Variants in AKNA observed in about 807,000 individuals in gnomAD.
AKNA encodes microtubule organization protein AKNA.
AKNA carries 67 observed loss-of-function variants against 138.8 expected under a neutral mutation model. The observed-to-expected ratio is 0.48, with a 90% CI of 0.40 to 0.59. The LOEUF (loss-of-function observed/expected upper bound fraction) is 0.59. Ranked by LOEUF, AKNA falls within the 20% of genes least tolerant of loss-of-function variation. The probability of loss-of-function intolerance (pLI) is 0.00; values close to 1 mark genes in which losing one functional copy is unlikely to be tolerated. For missense variants in AKNA, 1,813 were observed against 1,880.4 expected, an observed-to-expected ratio of 0.96 and a Z score of 0.66; for synonymous variants, 737 against 754.4, an observed-to-expected ratio of 0.98 and a Z score of 0.38.
In AKNA at chr9:114,376,859, G is replaced by A. The variant is rs939005317; in HGVS notation, c.948C>T (p.Ser316=). The change falls in exon 3 of 22, where the codon AGC becomes AGT. Residue 316 remains serine (S), a synonymous_variant. Transcript: ENST00000374088. ...PLPSRFIGSI[S]PLNPQPRPTR... The stretch of plus-strand genomic sequence containing the variant: ...TTGGCCTGGGCTGGGGATTCAGGGG[G>A]CTGATGGAGCCAATGAATCGGGAAG... 3 of 1,614,134 alleles carry A rather than the reference G, an allele frequency of 1.9e-6. No homozygotes were observed. Among genetic ancestry groups the A allele is most frequent in the Non-Finnish European group, 2.5e-6 (3 of 1,179,974 alleles).
chr9:114,337,222 G>C lies in AKNA; in HGVS notation c.4152C>G (p.His1384Gln). The change falls in exon 22 of 22, where the codon CAC becomes CAG. Residue 1384 changes from histidine to glutamine, a missense_variant. Coordinates refer to ENST00000374088, the MANE Select transcript of AKNA (RefSeq NM_001317950.2). The part of the protein sequence containing the change: ...PTASPPPARR[H>Q]RHSIQLDLGD... The stretch of plus-strand genomic sequence containing the variant: ...CCAGGTCGAGCTGGATGGAGTGCCG[G>C]TGTCTCCGGGCTGGTGGGGGAGAGG... The C allele has an allele frequency of 6.3e-7, 1 of 1,587,642 alleles. No homozygotes were observed.
In AKNA at chr9:114,381,117, G is replaced by C. The variant is rs778528703; in HGVS notation, c.217C>G (p.Pro73Ala). 2 of 1,611,212 alleles carry C rather than the reference G, an allele frequency of 1.2e-6. No individual in the cohort carries two copies. The highest frequency in any genetic ancestry group is 1.1e-5 in the South Asian group (1 of 90,758). Residue 73 changes from proline (P) to alanine (A), a missense_variant, in exon 2 of 22, where the codon CCA becomes GCA. By Grantham distance (27) the Pro-to-Ala change is conservative (BLOSUM62 -1). Transcript: ENST00000374088. ...TGATGCCCATCGGGCTGCGGGTGTG[G>C]GTCCCACTCCAGGGGCGGCAGGTGC... Reference protein sequence around the residue: ...QQHLPPLEWDPHPQPDGHQDS... With the variant: ...QQHLPPLEWDAHPQPDGHQDS...
rs147420813 is a variant in AKNA, at chr9:114,364,872, C to G, written c.1729-253G>C. 2.6e-3 allele frequency among the ~76,000 whole-genome samples: 402 copies of G among 152,166 alleles called. 3 individuals carry two copies. The highest frequency in any genetic ancestry group is 9.3e-3 in the African/African-American group (388 of 41,502). On this transcript the variant is annotated intron_variant, in intron 6 of 21. Coordinates refer to ENST00000374088, the MANE Select transcript of AKNA (RefSeq NM_001317950.2). ...AGCAAGTCACTCATGTGCATCAAGACTAATGAGTCAGGATATTTACTGCAG... is the reference window on the plus strand; with the variant it reads ...AGCAAGTCACTCATGTGCATCAAGAGTAATGAGTCAGGATATTTACTGCAG...
chr9:114,389,938 C>T (rs1464440517), upstream of AKNA, among the ~76,000 whole-genome samples: 1 of 152,122 alleles, frequency 6.6e-6, no homozygotes. Context: ...CTCCCTGTAG[C>T]CCCCAGCCCC....
At chr9:114,370,461 G>A (rs1045357974) in intron 4 of AKNA, among the ~76,000 whole-genome samples, 1 of 152,212 alleles carries the variant, frequency 6.6e-6, no homozygotes, top group African/African-American at 2.4e-5. Flanking sequence ...TTCAGGGACC[G>A]ATAAGGAGTT....
chr9:114,339,819 G>A (rs943945056), intron 21 of AKNA, among the ~76,000 whole-genome samples: 4 of 152,174 alleles, frequency 2.6e-5, no homozygotes, highest in South Asian at 2.1e-4. Flanking sequence ...TTTACATACC[G>A]GGCGCGGTGG....
At chr9:114,340,537 CT>C (rs1830273478) in intron 21 of AKNA, among the ~76,000 whole-genome samples, 1 of 152,254 alleles carries the variant, frequency 6.6e-6, no homozygotes, top group African/African-American at 2.4e-5. Flanking sequence ...ACTCCACACA[CT>C]TCTCATTTGG....
At chr9:114,358,400 C>T (rs7866925) in intron 11 of AKNA, 113,218 of 530,064 alleles carry the variant, frequency 0.21, 13,450 homozygotes, top group Middle Eastern at 0.33. Context: ...ACCCACCCAA[C>T]ACCAAAGAGG....
intron 21 of AKNA, among the ~76,000 whole-genome samples, chr9:114,338,130 G>A (rs773798549): frequency 2.0e-5 from 3 of 152,192 alleles, no homozygotes; most frequent in Non-Finnish European, 4.4e-5. Flanking sequence ...TTAGGAGGAC[G>A]CAGCAGAGTC....
intron 21 of AKNA, among the ~76,000 whole-genome samples, chr9:114,339,312 A>G (rs1379417151): frequency 1.3e-5 from 2 of 152,180 alleles, no homozygotes; most frequent in Non-Finnish European, 2.9e-5. Flanking sequence ...CCGCTTTCCA[A>G]ACTACACTGG....
chr9:114,342,186 C>T (rs968697218), intron 19 of AKNA, 61 bp from the exon 20 acceptor site: 2 of 1,245,500 alleles, frequency 1.6e-6, no homozygotes, highest in African/African-American at 3.1e-5. Flanking sequence ...ATCAGGAGCC[C>T]CCATGCAGGC....
rs977312397 is a variant in AKNA, at chr9:114,335,778, A to C, written c.*1276T>G. 2.7e-5 allele frequency: 4 copies of C among 150,156 alleles called. No homozygotes were observed. Among genetic ancestry groups the C allele is most frequent in the African/African-American group, 9.7e-5 (4 of 41,400 alleles). The allele number at this position is 150,156 out of a possible 1,614,324, so 9.3% of individuals were successfully genotyped here. On this transcript the variant is annotated 3_prime_UTR_variant, in exon 22 of 22. Transcript: ENST00000374088. ...CAGAGCAAAACTCAGTCTCAAAAAA[A>C]AAAAAAAAAAGAAAAAGAAAAAAGA... is the stretch of plus-strand genomic sequence containing the variant.
Position 114,360,041 on chromosome 9 carries a change from C to T in AKNA, c.2146G>A (p.Ala716Thr), listed in dbSNP as rs202137574. Residue 716 changes from alanine (A) to threonine (T), a missense_variant, in exon 10 of 22, where the codon GCC (alanine) becomes ACC (threonine). Transcript: ENST00000374088. Reference sequence around the variant, plus strand: ...TGCAATGGGCAGGGGCCAGTGCTGGCGGCGGCAGTGGTGGTAGCAGGCTGG... The same window carrying T: ...TGCAATGGGCAGGGGCCAGTGCTGGTGGCGGCAGTGGTGGTAGCAGGCTGG... ...CPEPATTTAA[A>T]STGPCPLHVN... 36 of 1,614,156 alleles carry T rather than the reference C, an allele frequency of 2.2e-5. No homozygotes were observed. Among genetic ancestry groups the T allele is most frequent in the South Asian group, 2.2e-4 (20 of 91,084 alleles).
chr9:114,337,272 G>C lies in AKNA; in HGVS notation c.4102C>G (p.Pro1368Ala). 6.5e-7 allele frequency: 1 copy of C among 1,542,616 alleles called. No individual in the cohort carries two copies. The highest frequency in any genetic ancestry group is 8.8e-7 in the Non-Finnish European group (1 of 1,135,726). Reference protein sequence around the residue: ...YAPAGPTSAQPAAKWPPTASP... With the variant: ...YAPAGPTSAQAAAKWPPTASP... Reference sequence around the variant, plus strand: ...GCTGTGGGCGGCCACTTGGCAGCTGGTTGGGCTGAGGTAGGTCCTGCAGGC... The same window carrying C: ...GCTGTGGGCGGCCACTTGGCAGCTGCTTGGGCTGAGGTAGGTCCTGCAGGC... Residue 1368 changes from proline (P) to alanine (A), a missense_variant, in exon 22 of 22, where the codon CCA (proline) becomes GCA (alanine). Transcript: ENST00000374088.
intron 21 of AKNA, among the ~76,000 whole-genome samples, chr9:114,338,843 A>G (rs1046000964): frequency 3.9e-5 from 6 of 152,204 alleles, no homozygotes; most frequent in Non-Finnish European, 5.9e-5. Context: ...CCTAAGACCC[A>G]GAGTCAGACA....
At position 114,335,262 on chromosome 9, in the gene AKNA, G is replaced by A. The variant is rs1258291956; in HGVS notation, c.*1792C>T. 4.6e-5 allele frequency: 7 copies of A among 152,168 alleles called. No homozygotes were observed. The highest frequency in any genetic ancestry group is 1.2e-4 in the African/African-American group (5 of 41,396). The allele number at this position is 152,168 out of a possible 1,614,324, so 9.4% of individuals were successfully genotyped here. A position where few individuals can be genotyped will look rare whatever the true frequency, so the allele number is the denominator to read the frequency against. On this transcript the variant is annotated 3_prime_UTR_variant, in exon 22 of 22. Coordinates refer to ENST00000374088, the MANE Select transcript of AKNA (RefSeq NM_001317950.2). ...CACATAACAAAGAATGTGGACTTTG[G>A]GTCAGACCAATGTGAGTTTAAATCC...
rs531370991 is a variant in AKNA, at chr9:114,356,259, G to A, written c.2847-123C>T. 5.8e-5 allele frequency: 50 copies of A among 868,832 alleles called. No homozygotes were observed. The East Asian group carries it at 1.0e-3, about 18-fold the overall frequency. The allele number at this position is 868,832 out of a possible 1,614,324, so 53.8% of individuals were successfully genotyped here. ...CCCACCCTTTGTAACTTTGCATCTC[G>A]GGTGGTACAATATTTCCAAGGACAC... On this transcript the variant is annotated intron_variant, in intron 13 of 21. Transcript: ENST00000374088.
intron 21 of AKNA, among the ~76,000 whole-genome samples, chr9:114,340,398 T>C (rs1427358901): frequency 2.0e-5 from 3 of 152,236 alleles, no homozygotes; most frequent in Admixed American, 1.3e-4. Context: ...TGCACAATCC[T>C]ATCATGTTGA....
Position 114,356,952 on chromosome 9 carries a change from G to A in AKNA, c.2757C>T (p.Ser919=). Residue 919 remains serine, a synonymous_variant, in exon 13 of 22, where the codon TCC becomes TCT. Coordinates refer to ENST00000374088, the MANE Select transcript of AKNA (RefSeq NM_001317950.2). ...CCACAAAGCCACTGTCTGTCTCTGG[G>A]GACGCCATCCAGGTCTCCTGAAAGA... The part of the protein sequence containing the change: ...GPHLEETWMA[S]PETDSGFVGS... 3 of 1,580,500 alleles carry A rather than the reference G, an allele frequency of 1.9e-6. No homozygotes were observed. The highest frequency in any genetic ancestry group is 2.6e-6 in the Non-Finnish European group (3 of 1,166,446).
Sources: gnomAD v4.1 joint callset for allele counts (sites outside exome capture counted in the v4.1 genomes callset) on GRCh38, gnomAD v4.1.1 for gene constraint, MANE v1.5 for transcripts, NCBI Gene and HGNC (gene_info 2026-07-23, HGNC 2026-07-21) for gene names.